Variants in OR12D3 observed in about 807,000 individuals in gnomAD.
The protein encoded by OR12D3 is olfactory receptor 12D3.
For missense variants in OR12D3, 333 were observed against 386.4 expected, an observed-to-expected ratio of 0.86 and a Z score of 1.16; for synonymous variants, 142 against 138.8, an observed-to-expected ratio of 1.02 and a Z score of -0.16.
chr6:29,374,263 A>C lies in OR12D3; in HGVS notation c.*74T>G. 2 of 1,266,642 alleles carry C rather than the reference A, an allele frequency of 1.6e-6. No individual in the cohort carries two copies. The highest frequency in any genetic ancestry group is 2.2e-5 in the Admixed American group (1 of 45,626). The allele number at this position is 1,266,642 out of a possible 1,614,324, so 78.5% of individuals were successfully genotyped here. The stretch of plus-strand genomic sequence containing the variant: ...AATTTTTGAAAGAAAAATATAAACC[A>C]GGTAAACAAATCATTTCTTACAGTG... On this transcript the variant is annotated 3_prime_UTR_variant, in exon 1 of 1. Coordinates refer to ENST00000396806, the MANE Select transcript of OR12D3 (RefSeq NM_030959.3).
Position 29,374,699 on chromosome 6 carries a change from G to T in OR12D3, c.589C>A (p.Leu197Ile), listed in dbSNP as rs751106658. The change falls in exon 1 of 1, where the codon CTT becomes ATT. Residue 197 changes from leucine (L) to isoleucine (I), a missense_variant. Physicochemically the swap from Leu to Ile is conservative, Grantham distance 5. Coordinates refer to ENST00000396806, the MANE Select transcript of OR12D3 (RefSeq NM_030959.3). Reference sequence around the variant, plus strand: ...GATATGCTGCCTGTGACAATGGAAAGAAGCCATTGATTGAGTAATGTGTCA... The same window carrying T: ...GATATGCTGCCTGTGACAATGGAAATAAGCCATTGATTGAGTAATGTGTCA... ...CSDTLLNQWL[L>I]SIVTGSISMG... 1.2e-6 allele frequency: 2 copies of T among 1,613,034 alleles called. No individual in the cohort carries two copies. The highest frequency in any genetic ancestry group is 1.1e-5 in the South Asian group (1 of 91,078).
rs781541637 is a variant in OR12D3, at chr6:29,374,477, G to A, written c.811C>T (p.Arg271Trp). Residue 271 changes from arginine (R) to tryptophan (W), a missense_variant, in exon 1 of 1, where the codon CGG becomes TGG. Coordinates refer to ENST00000396806, the MANE Select transcript of OR12D3 (RefSeq NM_030959.3). The stretch of plus-strand genomic sequence containing the variant: ...GCGCTATACATGATGGCCATTATCC[G>A]GTCCTGAATCATGGAGGTGGCTGAA... Reference protein sequence around the residue: ...PASATSMIQDRIMAIMYSAVT... With the variant: ...PASATSMIQDWIMAIMYSAVT... The A allele has an allele frequency of 1.2e-5, 19 of 1,612,796 alleles. No homozygotes were observed. Among genetic ancestry groups the A allele is most frequent in the Admixed American group, 8.3e-5 (5 of 59,986 alleles).
chr6:29,374,433 A>G lies in OR12D3; in HGVS notation c.855T>C (p.Asn285=). ...IMYSAVTPVL[N]PLIYTLRNKE... ...TGTTCCTAAGGGTGTAGATTAGTGG[A>G]TTCAGTACAGGGGTGACGGCGCTAT... is the stretch of plus-strand genomic sequence containing the variant. The change falls in exon 1 of 1, where the codon AAT becomes AAC. Residue 285 remains asparagine (N), a synonymous_variant. Coordinates refer to ENST00000396806, the MANE Select transcript of OR12D3 (RefSeq NM_030959.3). The G allele has an allele frequency of 6.2e-7, 1 of 1,608,850 alleles. No homozygotes were observed. Among genetic ancestry groups the G allele is most frequent in the Non-Finnish European group, 8.5e-7 (1 of 1,178,338 alleles).
In OR12D3 at chr6:29,374,903, G is replaced by C. The variant is rs566487315; in HGVS notation, c.385C>G (p.Arg129Gly). The change falls in exon 1 of 1, where the codon CGC (arginine) becomes GGC (glycine). Residue 129 changes from arginine to glycine, a missense_variant. By Grantham distance (125) the Arg-to-Gly change is moderately radical (BLOSUM62 -2). Transcript: ENST00000396806. ...TGGGGGTTCATGATGACAGTGTAGC[G>C]AAGAGGATTGCAGATGGCAACAAAA... ...DRFVAICNPLRYTVIMNPQVC... is the reference protein window; with the variant it reads ...DRFVAICNPLGYTVIMNPQVC... 6.2e-7 allele frequency: 1 copy of C among 1,613,944 alleles called. No homozygotes were observed. The highest frequency in any genetic ancestry group is 1.7e-5 in the Admixed American group (1 of 60,012).
Position 29,375,030 on chromosome 6 carries a change from A to T in OR12D3, c.258T>A (p.Ser86Arg). The T allele has an allele frequency of 6.2e-7, 1 of 1,613,644 alleles. No individual in the cohort carries two copies. Among genetic ancestry groups the T allele is most frequent in the Non-Finnish European group, 8.5e-7 (1 of 1,180,028 alleles). Reference sequence around the variant, plus strand: ...AGCCTAGAAAAGATATAGCCCTGCGACTGCACACGAGGTTTACGAGCAGCT... The same window carrying T: ...AGCCTAGAAAAGATATAGCCCTGCGTCTGCACACGAGGTTTACGAGCAGCT... ...LPKLLVNLVC[S>R]RRAISFLGCI... The change falls in exon 1 of 1, where the codon AGT becomes AGA. Residue 86 changes from serine (S) to arginine (R), a missense_variant. Ser to Arg is a moderately radical substitution (Grantham distance 110, BLOSUM62 -1). Coordinates refer to ENST00000396806, the MANE Select transcript of OR12D3 (RefSeq NM_030959.3).
At position 29,375,060 on chromosome 6, in the gene OR12D3, C is replaced by A; in HGVS notation, c.228G>T (p.Leu76=). The A allele has an allele frequency of 6.2e-7, 1 of 1,613,266 alleles. No individual in the cohort carries two copies. Among genetic ancestry groups the A allele is most frequent in the Non-Finnish European group, 8.5e-7 (1 of 1,179,994 alleles). ...ACACGAGGTTTACGAGCAGCTTGGG[C>A]AGTGTCACTGAAGAATAAGAAATAT... ...CLDISYSSVT[L]PKLLVNLVCS... Residue 76 remains leucine (L), a synonymous_variant, in exon 1 of 1, where the codon CTG becomes CTT. Coordinates refer to ENST00000396806, the MANE Select transcript of OR12D3 (RefSeq NM_030959.3).
Position 29,373,749 on chromosome 6 carries a change from G to A in OR12D3, c.*588C>T, listed in dbSNP as rs1483111882. 1 of 354,814 alleles carries A rather than the reference G, an allele frequency of 2.8e-6. No homozygotes were observed. Among genetic ancestry groups the A allele is most frequent in the Non-Finnish European group, 5.0e-6 (1 of 199,766 alleles). 22.0% of individuals were successfully genotyped at this position (354,814 alleles called of 1,614,324 possible). A position where few individuals can be genotyped will look rare whatever the true frequency, so the allele number is the denominator to read the frequency against. The stretch of plus-strand genomic sequence containing the variant: ...TTGTTAATTATACTTCAATAAGCTG[G>A]GGAAAAACAAGATATTTTCAATGGC... On this transcript the variant is annotated 3_prime_UTR_variant, in exon 1 of 1. Transcript: ENST00000396806.
In OR12D3 at chr6:29,375,162, A is replaced by G; in HGVS notation, c.126T>C (p.Ser42=). ...IYLINLIGNG[S]ILVMVVLEPQ... Reference sequence around the variant, plus strand: ...GTTCCAAAACAACCATCACCAATATAGATCCATTTCCAATCAAGTTTATCA... The same window carrying G: ...GTTCCAAAACAACCATCACCAATATGGATCCATTTCCAATCAAGTTTATCA... The change falls in exon 1 of 1, where the codon TCT becomes TCC. Residue 42 remains serine, a synonymous_variant. Coordinates refer to ENST00000396806, the MANE Select transcript of OR12D3 (RefSeq NM_030959.3). 1.9e-6 allele frequency: 3 copies of G among 1,613,012 alleles called. No homozygotes were observed. The highest frequency in any genetic ancestry group is 1.7e-6 in the Non-Finnish European group (2 of 1,180,010).
In OR12D3 at chr6:29,374,738, C is replaced by T. The variant is rs755005369; in HGVS notation, c.550G>A (p.Glu184Lys). Residue 184 changes from glutamate to lysine, a missense_variant, in exon 1 of 1, where the codon GAA (glutamate) becomes AAA (lysine). Physicochemically the swap from Glu to Lys is moderately conservative, Grantham distance 56 (BLOSUM62 1). Transcript: ENST00000396806. ...HFFYDVKPLL[E>K]LACSDTLLNQ... The stretch of plus-strand genomic sequence containing the variant: ...AGTAATGTGTCACTACAGGCCAATT[C>T]TAAGAGCGGCTTGACATCGTAGAAG... The T allele has an allele frequency of 4.5e-5, 73 of 1,612,940 alleles. No individual in the cohort carries two copies. The highest frequency in any genetic ancestry group is 5.8e-5 in the Non-Finnish European group (69 of 1,180,030).
Position 29,374,582 on chromosome 6 carries a change from C to G in OR12D3, c.706G>C (p.Ala236Pro). The G allele has an allele frequency of 6.2e-7, 1 of 1,612,896 alleles. No individual in the cohort carries two copies. The highest frequency in any genetic ancestry group is 8.5e-7 in the Non-Finnish European group (1 of 1,179,976). ...KNRSCRILHK[A>P]LSTCASHFMV... ...AAATGGGAGGCACAAGTGGACAGAG[C>G]CTTGTGGAGTATTCTGCAGGACCTG... The change falls in exon 1 of 1, where the codon GCT (alanine) becomes CCT (proline). Residue 236 changes from alanine (A) to proline (P), a missense_variant. Physicochemically the swap from Ala to Pro is conservative, Grantham distance 27. Coordinates refer to ENST00000396806, the MANE Select transcript of OR12D3 (RefSeq NM_030959.3).
Position 29,375,153 on chromosome 6 carries a change from C to A in OR12D3, c.135G>T (p.Val45=), listed in dbSNP as rs750589012. 6.2e-7 allele frequency: 1 copy of A among 1,612,950 alleles called. No homozygotes were observed. Among genetic ancestry groups the A allele is most frequent in the East Asian group, 2.2e-5 (1 of 44,876 alleles). The change falls in exon 1 of 1, where the codon GTG becomes GTT. Residue 45 remains valine, a synonymous_variant. Transcript: ENST00000396806. ...GGAGTTGTGGTTCCAAAACAACCAT[C>A]ACCAATATAGATCCATTTCCAATCA... ...INLIGNGSIL[V]MVVLEPQLHS...
chr6:29,375,243 C>T lies in OR12D3; in HGVS notation c.45G>A (p.Leu15=). ...AAGGCTGCAGCTCCTGAACACCAGT[C>T]AGGCCAAGTAGAAGAAACTCATTCA... The part of the protein sequence containing the change: ...TTMNEFLLLG[L]TGVQELQPFF... The change falls in exon 1 of 1, where the codon CTG becomes CTA. Residue 15 remains leucine, a synonymous_variant. Coordinates refer to ENST00000396806, the MANE Select transcript of OR12D3 (RefSeq NM_030959.3). The T allele has an allele frequency of 6.2e-7, 1 of 1,602,684 alleles. No homozygotes were observed. Among genetic ancestry groups the T allele is most frequent in the East Asian group, 2.2e-5 (1 of 44,836 alleles).
At position 29,374,421 on chromosome 6, in the gene OR12D3, G is replaced by A. The variant is rs1489910001; in HGVS notation, c.867C>T (p.Tyr289=). The A allele has an allele frequency of 6.2e-7, 1 of 1,612,972 alleles. No homozygotes were observed. Among genetic ancestry groups the A allele is most frequent in the South Asian group, 1.1e-5 (1 of 91,076 alleles). The change falls in exon 1 of 1, where the codon TAC becomes TAT. Residue 289 remains tyrosine, a synonymous_variant. Transcript: ENST00000396806. ...TCATCACTTCTTTGTTCCTAAGGGTGTAGATTAGTGGATTCAGTACAGGGG... is the reference window on the plus strand; with the variant it reads ...TCATCACTTCTTTGTTCCTAAGGGTATAGATTAGTGGATTCAGTACAGGGG... ...AVTPVLNPLI[Y]TLRNKEVMMA...
rs200720757 is a variant in OR12D3, at chr6:29,374,929, C to G, written c.359G>C (p.Arg120Pro). The change falls in exon 1 of 1, where the codon CGT becomes CCT. Residue 120 changes from arginine (R) to proline (P), a missense_variant. Arg to Pro is a moderately radical substitution (Grantham distance 103, BLOSUM62 -2). Transcript: ENST00000396806. Reference sequence around the variant, plus strand: ...AAGAGGATTGCAGATGGCAACAAAACGGTCAAAGGCCATGATAGCCAGTAA... The same window carrying G: ...AAGAGGATTGCAGATGGCAACAAAAGGGTCAAAGGCCATGATAGCCAGTAA... The part of the protein sequence containing the change: ...AILLAIMAFD[R>P]FVAICNPLRY... 6.2e-7 allele frequency: 1 copy of G among 1,613,900 alleles called. No homozygotes were observed. Among genetic ancestry groups the G allele is most frequent in the Admixed American group, 1.7e-5 (1 of 60,002 alleles).
In OR12D3 at chr6:29,374,802, T is replaced by G. The variant is rs144575784; in HGVS notation, c.486A>C (p.Ala162=). The change falls in exon 1 of 1, where the codon GCA becomes GCC. Residue 162 remains alanine, a synonymous_variant. Coordinates refer to ENST00000396806, the MANE Select transcript of OR12D3 (RefSeq NM_030959.3). ...TCTGAGAGCCACAAAAACTCAGGTG[T>G]GCAGTCATGACAGAATGCATCAGAG... ...FYALMHSVMT[A]HLSFCGSQKL... is the part of the protein sequence containing the mutation. 4.9e-3 allele frequency: 7,879 copies of G among 1,612,756 alleles called. 50 individuals carry two copies. The highest frequency in any genetic ancestry group is 0.014 in the Middle Eastern group (85 of 6,052).
chr6:29,374,133 G>A lies in OR12D3; in HGVS notation c.*204C>T. 1.8e-6 allele frequency: 1 copy of A among 550,450 alleles called. No individual in the cohort carries two copies. Among genetic ancestry groups the A allele is most frequent in the South Asian group, 2.9e-5 (1 of 34,732 alleles). The allele number at this position is 550,450 out of a possible 1,614,324, so 34.1% of individuals were successfully genotyped here. ...GTACTTACGCGTTTGGTTATTTGGG[G>A]CCTCCATCACATTAAACTTTATGTT... On this transcript the variant is annotated 3_prime_UTR_variant, in exon 1 of 1. Transcript: ENST00000396806.
In OR12D3 at chr6:29,375,150, C is replaced by T. The variant is rs767563307; in HGVS notation, c.138G>A (p.Met46Ile). 1 of 1,612,800 alleles carries T rather than the reference C, an allele frequency of 6.2e-7. No individual in the cohort carries two copies. Among genetic ancestry groups the T allele is most frequent in the Non-Finnish European group, 8.5e-7 (1 of 1,179,956 alleles). ...AGTGGAGTTGTGGTTCCAAAACAACCATCACCAATATAGATCCATTTCCAA... is the reference window on the plus strand; with the variant it reads ...AGTGGAGTTGTGGTTCCAAAACAACTATCACCAATATAGATCCATTTCCAA... ...NLIGNGSILVMVVLEPQLHSP... is the reference protein window; with the variant it reads ...NLIGNGSILVIVVLEPQLHSP... Residue 46 changes from methionine (M) to isoleucine (I), a missense_variant, in exon 1 of 1, where the codon ATG becomes ATA. Physicochemically the swap from Met to Ile is conservative, Grantham distance 10. Transcript: ENST00000396806.
rs1779282079 is a variant in OR12D3 at position 29,374,210 on chromosome 6, T to C, written c.*127A>G. On this transcript the variant is annotated 3_prime_UTR_variant, in exon 1 of 1. Coordinates refer to ENST00000396806, the MANE Select transcript of OR12D3 (RefSeq NM_030959.3). ...TTGCTCCTGTGTTTCTTGAACCTAC[T>C]ACACTGCCTAATATAATATGTGCTC... The C allele has an allele frequency of 2.8e-6, 2 of 722,744 alleles. No individual in the cohort carries two copies. The highest frequency in any genetic ancestry group is 4.5e-6 in the Non-Finnish European group (2 of 442,698). The allele number at this position is 722,744 out of a possible 1,614,324, so 44.8% of individuals were successfully genotyped here.
chr6:29,373,908 C>T lies in OR12D3; in HGVS notation c.*429G>A, dbSNP rs1205871784. ...CAGTACTTTCCTGCTGAAGGAAACA[C>T]AAAAGGAAAAAAAATAGGCAAAAAT... is the stretch of plus-strand genomic sequence containing the variant. On this transcript the variant is annotated 3_prime_UTR_variant, in exon 1 of 1. Coordinates refer to ENST00000396806, the MANE Select transcript of OR12D3 (RefSeq NM_030959.3). 2.5e-6 allele frequency: 1 copy of T among 398,180 alleles called. No homozygotes were observed. 24.7% of individuals were successfully genotyped at this position (398,180 alleles called of 1,614,324 possible).
Sources: gnomAD v4.1 joint callset for allele counts on GRCh38, gnomAD v4.1.1 for gene constraint, MANE v1.5 for transcripts, NCBI Gene and HGNC (gene_info 2026-07-23, HGNC 2026-07-21) for gene names.